The following ZCCHC10 variants were observed in gnomAD, a reference collection of about 807,000 sequenced individuals.
The protein encoded by ZCCHC10 is zinc finger CCHC-type containing 10.
In ZCCHC10, 16 loss-of-function variants were observed where a neutral mutation model predicts 19.5. The ratio of observed to expected loss-of-function variants is 0.82; its 90% CI spans 0.56 to 1.25. The LOEUF (loss-of-function observed/expected upper bound fraction) is 1.25, where lower values mean the gene tolerates loss of function less well. ZCCHC10 is among the 50% of genes most tolerant of loss of function. The probability of loss-of-function intolerance (pLI) is 0.00; values close to 1 mark genes in which losing one functional copy is unlikely to be tolerated. For missense variants in ZCCHC10, 197 were observed against 201.0 expected (o/e 0.98, Z 0.12); for synonymous variants, 67 against 72.5 (o/e 0.92, Z 0.38).
rs773600166 is a variant in ZCCHC10, at chr5:133,026,506, C to T, written c.32G>A (p.Arg11Gln). 2 of 1,613,770 alleles carry T rather than the reference C, an allele frequency of 1.2e-6. No individual in the cohort carries two copies. The highest frequency in any genetic ancestry group is 2.2e-5 in the South Asian group (2 of 90,922). The stretch of plus-strand genomic sequence containing the variant: ...CCGGATCCTTACTTACGCTTGTCTC[C>T]GGGCTATTAGCCGATGCATGGGAGT... MATPMHRLIARRQAFDTELQP... is the reference protein window; with the variant it reads MATPMHRLIAQRQAFDTELQP... Residue 11 changes from arginine (R) to glutamine (Q), a missense_variant, in exon 1 of 5, where the codon CGG (arginine) becomes CAG (glutamine). Coordinates refer to ENST00000509437, the MANE Select transcript of ZCCHC10 (RefSeq NM_001300816.3).
rs539368170 is a variant in ZCCHC10, at chr5:133,012,703, T to G, written c.108-5783A>C. Among the ~76,000 whole-genome samples the G allele has an allele frequency of 2.7e-5, 4 of 150,286 alleles. No homozygotes were observed. In the East Asian group the frequency reaches 7.9e-4, roughly 30 times the overall value. ...GCCAAGGTGGGTAGATCACTTGAGG[T>G]CAGGAGTCCAAGACCAGCCTGGACA... On this transcript the variant is annotated intron_variant, in intron 2 of 4. Transcript: ENST00000509437.
intron 2 of ZCCHC10, among the ~76,000 whole-genome samples, chr5:133,021,156 A>C (rs1211440667): frequency 2.0e-5 from 3 of 152,168 alleles, no homozygotes; most frequent in Non-Finnish European, 4.4e-5. Context: ...TCGGCCTCCC[A>C]AAGTGCTGGA....
At chr5:133,022,928 A>T in intron 1 of ZCCHC10, 22 bp from the exon 2 acceptor site, 1 of 560,716 alleles carries the variant, frequency 1.8e-6, no homozygotes, top group Non-Finnish European at 3.2e-6. Context: ...AAATTTAACA[A>T]GGACAAAGGT....
At position 133,002,433 on chromosome 5, in the gene ZCCHC10, C is replaced by T. The variant is rs143954688; in HGVS notation, c.270-2260G>A. 9.7e-3 allele frequency among the ~76,000 whole-genome samples: 1,481 copies of T among 152,016 alleles called. 30 individuals are homozygous for T. Among genetic ancestry groups the T allele is most frequent in the African/African-American group, 0.034 (1,426 of 41,460 alleles). On this transcript the variant is annotated intron_variant, in intron 3 of 4. Transcript: ENST00000509437. ...TGTTGCCCAGGCTGGTCTCAAACTC[C>T]TGTCCTCAAGTGATCCTCCCACCTT...
intron 3 of ZCCHC10, among the ~76,000 whole-genome samples, chr5:133,006,219 G>A (rs1763113178): frequency 1.3e-5 from 2 of 151,974 alleles, no homozygotes; most frequent in Admixed American, 1.3e-4. Context: ...AAAGTGTTGG[G>A]ATTATAGGTG....
intron 3 of ZCCHC10, among the ~76,000 whole-genome samples, chr5:133,006,545 T>A (rs576776556): frequency 6.6e-6 from 1 of 152,286 alleles, no homozygotes; most frequent in African/African-American, 2.4e-5. Context: ...ATGAAGACAA[T>A]AATACTACCT....
chr5:133,008,242 A>G (rs1425642453), intron 2 of ZCCHC10, among the ~76,000 whole-genome samples: 1 of 144,316 alleles, frequency 6.9e-6, no homozygotes, highest in Non-Finnish European at 1.5e-5. Context: ...AAAAAAAAAA[A>G]AGAATCAGAA....
intron 1 of ZCCHC10, among the ~76,000 whole-genome samples, chr5:133,025,789 C>T (rs1764661715): frequency 6.6e-6 from 1 of 152,088 alleles, no homozygotes; most frequent in East Asian, 1.9e-4. Context: ...CTAAAGTGGG[C>T]CTTTCCCTCT....
intron 2 of ZCCHC10, among the ~76,000 whole-genome samples, chr5:133,015,963 A>G (rs780809681): frequency 2.0e-5 from 3 of 152,098 alleles, no homozygotes; most frequent in Non-Finnish European, 4.4e-5. Flanking sequence ...ATTTTATTCA[A>G]TGGGTTATAA....
At chr5:133,012,136 C>CAAAAAAAA (rs1172354725) in intron 2 of ZCCHC10, among the ~76,000 whole-genome samples, 5 of 74,838 alleles carry the variant, frequency 6.7e-5, no homozygotes, top group Non-Finnish European at 1.2e-4. Context: ...GCCTCCATCT[C>CAAAAAAAA]AAAAAAAAAA....
chr5:133,017,579 A>G (rs548060045), intron 2 of ZCCHC10, among the ~76,000 whole-genome samples: 3 of 152,088 alleles, frequency 2.0e-5, no homozygotes, highest in Admixed American at 2.0e-4. Context: ...TATGTTTCCT[A>G]GGCTGGTTTC....
In ZCCHC10 at chr5:132,997,779, ATT is replaced by A. The variant is rs1762517343; in HGVS notation, c.*802_*803del. 6.6e-6 allele frequency: 1 copy of A among 152,122 alleles called. No homozygotes were observed. The highest frequency in any genetic ancestry group is 1.5e-5 in the Non-Finnish European group (1 of 67,998). The allele number at this position is 152,122 out of a possible 1,614,324, so 9.4% of individuals were successfully genotyped here. On this transcript the variant is annotated 3_prime_UTR_variant, in exon 5 of 5. Coordinates refer to ENST00000509437, the MANE Select transcript of ZCCHC10 (RefSeq NM_001300816.3). ...CCCCCTGCTTTGAATGGTACCTTTT[ATT>A]GCATGTTAATACACAAAGATATTTC...
intron 3 of ZCCHC10, among the ~76,000 whole-genome samples, chr5:133,005,070 C>A (rs569005151): frequency 6.8e-6 from 1 of 147,548 alleles, no homozygotes; most frequent in East Asian, 2.1e-4. Flanking sequence ...GAGGCCGAGG[C>A]GGGCAGATCA....
intron 2 of ZCCHC10, 60 bp from the exon 3 acceptor site, chr5:133,006,980 A>G (rs913786901): frequency 8.4e-6 from 12 of 1,434,490 alleles, no homozygotes; most frequent in African/African-American, 1.4e-5. Flanking sequence ...TTCACCCTAA[A>G]AACTATAAAA....
chr5:133,024,760 G>C (rs1008045152), intron 1 of ZCCHC10, among the ~76,000 whole-genome samples: 1 of 152,098 alleles, frequency 6.6e-6, no homozygotes, highest in Admixed American at 6.6e-5. Flanking sequence ...AAAATTAGCA[G>C]GGCATGGTGG....
intron 3 of ZCCHC10, 121 bp downstream of exon 3, chr5:133,006,638 T>A: frequency 1.0e-6 from 1 of 976,412 alleles, no homozygotes; most frequent in Non-Finnish European, 1.4e-6. Flanking sequence ...AGTAAGCATC[T>A]ATTAAACATT....
intron 3 of ZCCHC10, among the ~76,000 whole-genome samples, chr5:133,005,543 G>A (rs541576228): frequency 3.3e-5 from 5 of 152,256 alleles, no homozygotes; most frequent in Non-Finnish European, 5.9e-5. Context: ...GAACCCAGGA[G>A]GTGGAGGTTG....
chr5:133,007,318 G>A (rs757881471), intron 2 of ZCCHC10, among the ~76,000 whole-genome samples: 4 of 152,138 alleles, frequency 2.6e-5, no homozygotes, highest in African/African-American at 9.6e-5. Flanking sequence ...TAAGGCAGGC[G>A]GATTACGAGG....
chr5:133,009,376 G>T (rs762497628), intron 2 of ZCCHC10, among the ~76,000 whole-genome samples: 2 of 151,884 alleles, frequency 1.3e-5, no homozygotes, highest in Non-Finnish European at 2.9e-5. Context: ...CCAGCACTTT[G>T]TGGGGCTGAG....
Sources: allele counts gnomAD v4.1 joint callset (sites outside exome capture counted in the v4.1 genomes callset), GRCh38; gene constraint gnomAD v4.1.1; transcripts MANE v1.5; gene names NCBI Gene and HGNC (gene_info 2026-07-23, HGNC 2026-07-21).